The following ARSJ variants were observed in gnomAD, a reference collection of about 807,000 sequenced individuals.
ARSJ encodes the protein arylsulfatase J.
ARSJ carries 26 observed loss-of-function variants against 35.9 expected under a neutral mutation model. The ratio of observed to expected loss-of-function variants is 0.72; its 90% confidence interval spans 0.53 to 1.00. ARSJ has a LOEUF of 1.00. Among genes scored for constraint, ARSJ ranks in the 50% least tolerant of loss-of-function variants. The probability of loss-of-function intolerance (pLI) is 0.00; values close to 1 mark genes in which losing one functional copy is unlikely to be tolerated. For synonymous variants in ARSJ, 294 were observed against 267.6 expected (o/e 1.10, Z -0.96); for missense variants, 667 against 723.6 (o/e 0.92, Z 0.90).
chr4:113,962,498 T>C (rs1726613979), intron 1 of ARSJ, among the ~76,000 whole-genome samples: 1 of 151,650 alleles, frequency 6.6e-6, no homozygotes, highest in African/African-American at 2.4e-5. Flanking sequence ...TTTTTTTTTT[T>C]TCTAATAGTT....
At chr4:113,921,264 A>T (rs1173466278) in intron 1 of ARSJ, among the ~76,000 whole-genome samples, 1 of 152,158 alleles carries the variant, frequency 6.6e-6, no homozygotes, top group Non-Finnish European at 1.5e-5. Flanking sequence ...AACTTCCATA[A>T]ACTGTGCTGA....
chr4:113,961,895 CTCTGTGTGTGTGTGTGTG>C (rs1284514484), intron 1 of ARSJ, among the ~76,000 whole-genome samples: 117 of 122,056 alleles, frequency 9.6e-4, no homozygotes, highest in South Asian at 4.4e-3. Context: ...CTCTCTCTCT[CTCTGTGTGTGTGTGTGTG>C]TGTGTGTGTG....
rs1436497312 is a variant in ARSJ, at chr4:113,900,353, G to T, written c.*1921C>A. 6.6e-6 allele frequency: 1 copy of T among 151,660 alleles called. No individual in the cohort carries two copies. The highest frequency in any genetic ancestry group is 1.5e-5 in the Non-Finnish European group (1 of 67,874). 9.4% of individuals were successfully genotyped at this position (151,660 alleles called of 1,614,324 possible). On this transcript the variant is annotated 3_prime_UTR_variant, in exon 2 of 2. Coordinates refer to ENST00000315366, the MANE Select transcript of ARSJ (RefSeq NM_024590.4). Reference sequence around the variant, plus strand: ...ACTGTCGACAAAACACAAACTTTAGGAAATACAACTTTACACTATAAAATA... The same window carrying T: ...ACTGTCGACAAAACACAAACTTTAGTAAATACAACTTTACACTATAAAATA...
chr4:113,914,025 G>T lies in ARSJ; in HGVS notation c.399-10350C>A, dbSNP rs547455676. 1.4e-4 allele frequency among the ~76,000 whole-genome samples: 21 copies of T among 152,150 alleles called. 1 individual carries two copies. The highest frequency in any genetic ancestry group is 3.9e-4 in the African/African-American group (16 of 41,524). On this transcript the variant is annotated intron_variant, in intron 1 of 1. Coordinates refer to ENST00000315366, the MANE Select transcript of ARSJ (RefSeq NM_024590.4). Reference sequence around the variant, plus strand: ...GTCTCACTGTGTCACCCAGGCTGGAGTGCAATAGTGCGGTCTCAGCTCACT... The same window carrying T: ...GTCTCACTGTGTCACCCAGGCTGGATTGCAATAGTGCGGTCTCAGCTCACT...
chr4:113,917,606 A>G (rs930097420), intron 1 of ARSJ, among the ~76,000 whole-genome samples: 1 of 152,126 alleles, frequency 6.6e-6, no homozygotes, highest in Non-Finnish European at 1.5e-5. Flanking sequence ...AGAGAATAAT[A>G]AGTGATTTGA....
chr4:113,917,108 C>G (rs934407644), intron 1 of ARSJ, among the ~76,000 whole-genome samples: 1 of 151,988 alleles, frequency 6.6e-6, no homozygotes, highest in Non-Finnish European at 1.5e-5. Context: ...GAAAGCATAC[C>G]CATTTTTGAT....
At chr4:113,968,700 G>A (rs1727047687) in intron 1 of ARSJ, among the ~76,000 whole-genome samples, 1 of 152,200 alleles carries the variant, frequency 6.6e-6, no homozygotes, top group Non-Finnish European at 1.5e-5. Context: ...CTTTGGCAGA[G>A]GCCAGATTTT....
Position 113,954,587 on chromosome 4 carries a change from T to G in ARSJ, c.398+23850A>C, listed in dbSNP as rs532656862. Among the ~76,000 whole-genome samples the G allele has an allele frequency of 1.6e-3, 239 of 152,214 alleles. 1 individual carries two copies. Among genetic ancestry groups the G allele is most frequent in the Non-Finnish European group, 2.7e-3 (182 of 67,964 alleles). On this transcript the variant is annotated intron_variant, in intron 1 of 1. Transcript: ENST00000315366. Reference sequence around the variant, plus strand: ...AGTGTGCTTTAAAAGTTCACATCTATCTCCCTTAACTTGGGCTGTACAAAT... The same window carrying G: ...AGTGTGCTTTAAAAGTTCACATCTAGCTCCCTTAACTTGGGCTGTACAAAT...
At chr4:113,915,663 T>C (rs1205759319) in intron 1 of ARSJ, among the ~76,000 whole-genome samples, 2 of 152,090 alleles carry the variant, frequency 1.3e-5, no homozygotes, top group African/African-American at 4.8e-5. Context: ...CCTGAAGATC[T>C]CTAATAAATA....
intron 1 of ARSJ, among the ~76,000 whole-genome samples, chr4:113,908,262 T>C (rs73845109): frequency 0.042 from 6,455 of 152,226 alleles, 421 homozygotes; most frequent in African/African-American, 0.14. Flanking sequence ...TTTGATGGTT[T>C]TGTGGCTAAC....
intron 1 of ARSJ, among the ~76,000 whole-genome samples, chr4:113,947,566 G>A (rs1725572110): frequency 7.2e-6 from 1 of 139,534 alleles, no homozygotes; most frequent in Non-Finnish European, 1.6e-5. Flanking sequence ...GAGTGAGGGA[G>A]GGAGGAAAGA....
rs1387414064 is a variant in ARSJ at position 113,978,475 on chromosome 4, A to G, written c.360T>C (p.Pro120=). The G allele has an allele frequency of 6.2e-7, 1 of 1,613,814 alleles. No individual in the cohort carries two copies. Among genetic ancestry groups the G allele is most frequent in the Admixed American group, 1.7e-5 (1 of 60,010 alleles). The change falls in exon 1 of 2, where the codon CCT becomes CCC. Residue 120 remains proline (P), a synonymous_variant. Coordinates refer to ENST00000315366, the MANE Select transcript of ARSJ (RefSeq NM_024590.4). The part of the protein sequence containing the change: ...GVKLENYYVQ[P]ICTPSRSQFI... Reference sequence around the variant, plus strand: ...ACTGACTCCTGGATGGTGTGCAAATAGGCTGGACATAGTAGTTCTCCAGTT... The same window carrying G: ...ACTGACTCCTGGATGGTGTGCAAATGGGCTGGACATAGTAGTTCTCCAGTT...
intron 1 of ARSJ, among the ~76,000 whole-genome samples, chr4:113,947,213 G>T (rs181122080): frequency 6.6e-6 from 1 of 152,186 alleles, no homozygotes; most frequent in Admixed American, 6.5e-5. Context: ...AGATGTGGTG[G>T]CTGAGACCTG....
chr4:113,909,650 C>T (rs964907154), intron 1 of ARSJ, among the ~76,000 whole-genome samples: 15 of 152,182 alleles, frequency 9.9e-5, no homozygotes, highest in Non-Finnish European at 1.9e-4. Flanking sequence ...TGTTTGCTTT[C>T]CCTTCTGCCA....
At chr4:113,938,278 G>A (rs1227531849) in intron 1 of ARSJ, among the ~76,000 whole-genome samples, 1 of 151,978 alleles carries the variant, frequency 6.6e-6, no homozygotes, top group Non-Finnish European at 1.5e-5. Context: ...ACAAAAACAA[G>A]CAATGGGAAA....
intron 1 of ARSJ, among the ~76,000 whole-genome samples, chr4:113,922,017 T>C (rs182852602): frequency 3.9e-5 from 6 of 152,294 alleles, no homozygotes; most frequent in Admixed American, 1.3e-4. Flanking sequence ...TTCTTTACCT[T>C]GTGATCCAAC....
chr4:113,951,938 T>C (rs920036007), intron 1 of ARSJ, among the ~76,000 whole-genome samples: 1 of 152,142 alleles, frequency 6.6e-6, no homozygotes, highest in African/African-American at 2.4e-5. Context: ...AACTTTTTAC[T>C]TATCATTCAG....
chr4:113,917,755 T>A (rs1723408048), intron 1 of ARSJ, among the ~76,000 whole-genome samples: 3 of 152,180 alleles, frequency 2.0e-5, no homozygotes. Context: ...CTATTATGCA[T>A]CCTTTATATT....
In ARSJ at chr4:113,973,031, C is replaced by A. The variant is rs897759899; in HGVS notation, c.398+5406G>T. Among the ~76,000 whole-genome samples, 4 of 152,152 alleles carry A rather than the reference C, an allele frequency of 2.6e-5. No individual in the cohort carries two copies. In the South Asian group the frequency reaches 8.3e-4, roughly 32 times the overall value. ...CATCCAATTTCAGGCCTTTCCGGAA[C>A]CTGATCCCTCATTCACAGATGATCC... On this transcript the variant is annotated intron_variant, in intron 1 of 1. Transcript: ENST00000315366.
Sources: allele counts gnomAD v4.1 joint callset (sites outside exome capture counted in the v4.1 genomes callset), GRCh38; gene constraint gnomAD v4.1.1; transcripts MANE v1.5; gene names NCBI Gene and HGNC (gene_info 2026-07-23, HGNC 2026-07-21).